The following VSNL1 variants were observed in gnomAD, a reference collection of about 807,000 sequenced individuals.
VSNL1 encodes visinin like 1, also known as visinin-like protein 1.
Under a neutral mutation model 20.4 loss-of-function variants are expected in VSNL1, and 6 were observed. The observed-to-expected ratio is 0.29, with a 90% CI of 0.16 to 0.58. VSNL1 has a LOEUF of 0.58. Among genes scored for constraint, VSNL1 ranks in the 20% least tolerant of loss-of-function variants. The probability of loss-of-function intolerance (pLI) is 0.90; values close to 1 mark genes in which losing one functional copy is unlikely to be tolerated. For missense variants in VSNL1, 100 were observed against 234.5 expected, an observed-to-expected ratio of 0.43 and a Z score of 3.75; for synonymous variants, 93 against 86.4, an observed-to-expected ratio of 1.08 and a Z score of -0.42.
chr2:17,567,482 C>T (rs994115721), intron 1 of VSNL1: 1 of 151,516 alleles, frequency 6.6e-6, no homozygotes, highest in Admixed American at 6.6e-5. Context: ...CCTCAGCCTC[C>T]GGAGTAGCTG....
chr2:17,577,641 T>C (rs1170952003), intron 1 of VSNL1, among the ~76,000 whole-genome samples: 1 of 152,144 alleles, frequency 6.6e-6, no homozygotes, highest in Non-Finnish European at 1.5e-5. Flanking sequence ...TACCCTTCTA[T>C]TTAGCATCCA....
intron 2 of VSNL1, among the ~76,000 whole-genome samples, chr2:17,619,845 T>A (rs1665314082): frequency 6.6e-6 from 1 of 151,394 alleles, no homozygotes. Flanking sequence ...ATTCAAATAA[T>A]TTGTTTGTTA....
rs117619167 is a variant in VSNL1 at position 17,544,419 on chromosome 2, G to A, written c.-6+3501G>A. ...AGATAGATAGCCTTTGCAGAGATGC[G>A]GAGATTTGTAGTTGCTAAGTGCCCC... On this transcript the variant is annotated intron_variant, in intron 1 of 3. Transcript: ENST00000295156. Among the ~76,000 whole-genome samples, 138 of 152,224 alleles carry A rather than the reference G, an allele frequency of 9.1e-4. 1 individual carries two copies. In the East Asian group the frequency reaches 0.023, roughly 26 times the overall value.
chr2:17,647,332 G>C (rs1344373585), intron 2 of VSNL1, among the ~76,000 whole-genome samples: 3 of 152,134 alleles, frequency 2.0e-5, no homozygotes, highest in Non-Finnish European at 4.4e-5. Context: ...TAGAAATGCT[G>C]GCGGGTAAAC....
chr2:17,543,617 CGAA>C (rs1663343328), intron 1 of VSNL1, among the ~76,000 whole-genome samples: 1 of 152,166 alleles, frequency 6.6e-6, no homozygotes, highest in African/African-American at 2.4e-5. Context: ...ACAGAAAGAC[CGAA>C]GAAGGCTTGA....
chr2:17,625,840 A>ATTTT (rs35795117), intron 2 of VSNL1, among the ~76,000 whole-genome samples: 3 of 108,536 alleles, frequency 2.8e-5, no homozygotes, highest in Non-Finnish European at 3.7e-5. Context: ...TCCTTAGCTG[A>ATTTT]TTTTTTTTTT....
intron 2 of VSNL1, among the ~76,000 whole-genome samples, chr2:17,633,348 CAAAAAAAA>C (rs10706048): frequency 4.0e-5 from 2 of 50,536 alleles, no homozygotes; most frequent in South Asian, 1.4e-3. Context: ...ACTAAAAATA[CAAAAAAAA>C]AAAAAAAAAA....
intron 2 of VSNL1, among the ~76,000 whole-genome samples, chr2:17,605,569 G>A (rs7597999): frequency 2.1e-3 from 316 of 152,320 alleles, no homozygotes; most frequent in African/African-American, 7.0e-3. Flanking sequence ...GCAAGAGAAA[G>A]GCTCTCGGAG....
chr2:17,585,330 C>T (rs1361142100), intron 1 of VSNL1, among the ~76,000 whole-genome samples: 1 of 146,336 alleles, frequency 6.8e-6, no homozygotes, highest in African/African-American at 2.5e-5. Context: ...TTCTGGAGGA[C>T]AAAGAAGAGG....
At chr2:17,598,367 C>G (rs1357644918) in intron 2 of VSNL1, among the ~76,000 whole-genome samples, 1 of 152,212 alleles carries the variant, frequency 6.6e-6, no homozygotes, top group African/African-American at 2.4e-5. Context: ...AGTTCAGCAT[C>G]TGTGCAAATG....
intron 2 of VSNL1, among the ~76,000 whole-genome samples, chr2:17,595,470 G>A (rs1264392613): frequency 1.3e-5 from 2 of 152,198 alleles, no homozygotes; most frequent in African/African-American, 4.8e-5. Context: ...AAAACAAGAA[G>A]TTAATTAATG....
At chr2:17,632,049 G>T (rs961403973) in intron 2 of VSNL1, among the ~76,000 whole-genome samples, 1 of 152,024 alleles carries the variant, frequency 6.6e-6, no homozygotes, top group African/African-American at 2.4e-5. Context: ...ACCATGCCTG[G>T]CTAATTTTTG....
chr2:17,597,655 G>A (rs181629810), intron 2 of VSNL1, among the ~76,000 whole-genome samples: 8 of 152,304 alleles, frequency 5.3e-5, no homozygotes, highest in Admixed American at 2.0e-4. Flanking sequence ...GTCATTTCCT[G>A]AGGAGTTTCT....
At chr2:17,574,494 TA>T (rs144955175) in intron 1 of VSNL1, among the ~76,000 whole-genome samples, 5,025 of 152,304 alleles carry the variant, frequency 0.033, 87 homozygotes, top group East Asian at 0.097. Context: ...AGATTTTAGC[TA>T]ATATTCCAGC....
intron 2 of VSNL1, among the ~76,000 whole-genome samples, chr2:17,596,343 T>C (rs932556469): frequency 6.6e-6 from 1 of 152,230 alleles, no homozygotes; most frequent in African/African-American, 2.4e-5. Flanking sequence ...AAGAACCAAG[T>C]ACCTGATCAC....
chr2:17,616,511 C>T (rs1283664407), intron 2 of VSNL1, among the ~76,000 whole-genome samples: 2 of 152,172 alleles, frequency 1.3e-5, no homozygotes, highest in Non-Finnish European at 2.9e-5. Flanking sequence ...GTGTACTTCT[C>T]CAAACACTGA....
At chr2:17,652,293 G>C (rs1029707968) in intron 3 of VSNL1, among the ~76,000 whole-genome samples, 7 of 152,208 alleles carry the variant, frequency 4.6e-5, no homozygotes, top group Non-Finnish European at 1.0e-4. Flanking sequence ...AGAAAGAATT[G>C]CCAGAAAGGT....
intron 2 of VSNL1, among the ~76,000 whole-genome samples, chr2:17,624,473 T>G (rs552718309): frequency 6.6e-6 from 1 of 152,330 alleles, no homozygotes; most frequent in South Asian, 2.1e-4. Flanking sequence ...TAGATAGAAC[T>G]AAGGTTACTA....
chr2:17,547,096 T>C (rs1572323477), intron 1 of VSNL1, among the ~76,000 whole-genome samples: 1 of 152,166 alleles, frequency 6.6e-6, no homozygotes, highest in South Asian at 2.1e-4. Context: ...TGATTTCAGT[T>C]GGCTCAGAGA....
Sources: allele counts gnomAD v4.1 joint callset (sites outside exome capture counted in the v4.1 genomes callset), GRCh38; gene constraint gnomAD v4.1.1; transcripts MANE v1.5; gene names NCBI Gene and HGNC (gene_info 2026-07-23, HGNC 2026-07-21).